The following GRIN2A variants were observed in gnomAD, a reference collection of about 807,000 sequenced individuals.
The protein encoded by GRIN2A is glutamate receptor ionotropic, NMDA 2A.
GRIN2A carries 22 observed loss-of-function variants against 113.4 expected under a neutral mutation model. The ratio of observed to expected loss-of-function variants is 0.19; its 90% CI spans 0.14 to 0.28. GRIN2A has a LOEUF of 0.28. Ranked by LOEUF, GRIN2A falls within the 10% of genes least tolerant of loss-of-function variation. The pLI, the probability that GRIN2A is intolerant of heterozygous loss-of-function variation, is 1.00. For missense variants in GRIN2A, 1,502 were observed against 1,887.0 expected (o/e 0.80, Z 3.78); for synonymous variants, 827 against 738.4 (o/e 1.12, Z -1.94).
At chr16:9,842,333 A>G (rs2042695643) in intron 5 of GRIN2A, among the ~76,000 whole-genome samples, 1 of 152,222 alleles carries the variant, frequency 6.6e-6, no homozygotes, top group African/African-American at 2.4e-5. Context: ...GACAATTCAC[A>G]TAAGATCAAA....
intron 2 of GRIN2A, among the ~76,000 whole-genome samples, chr16:10,148,606 C>A (rs923388819): frequency 6.6e-6 from 1 of 152,190 alleles, no homozygotes; most frequent in Admixed American, 6.5e-5. Context: ...TCTCCCTCTT[C>A]TCTGCGTCTT....
rs552476558 is a variant in GRIN2A at position 10,020,355 on chromosome 16, A to G, written c.415-81804T>C. Among the ~76,000 whole-genome samples the G allele has an allele frequency of 3.3e-5, 5 of 152,292 alleles. No individual in the cohort carries two copies. In the South Asian group the frequency reaches 1.0e-3, roughly 32 times the overall value. On this transcript the variant is annotated intron_variant, in intron 2 of 12. Coordinates refer to ENST00000330684, the MANE Select transcript of GRIN2A (RefSeq NM_001134407.3). ...TTGGGCTCAGTTTCTTCATCTGGAG[A>G]ATGGGAATTCTCATACCTAACCTAC...
At chr16:10,040,152 C>T (rs1440730517) in intron 2 of GRIN2A, among the ~76,000 whole-genome samples, 1 of 75,890 alleles carries the variant, frequency 1.3e-5, no homozygotes, top group East Asian at 4.5e-4. Context: ...CATACACACT[C>T]GCAACTTCAC....
At chr16:9,897,211 TTA>T (rs889288006) in intron 3 of GRIN2A, among the ~76,000 whole-genome samples, 111 of 150,236 alleles carry the variant, frequency 7.4e-4, no homozygotes, top group African/African-American at 2.4e-3. Flanking sequence ...TTTACATATT[TTA>T]TATATATAAA....
chr16:9,970,999 G>A (rs1191651515), intron 2 of GRIN2A: 5 of 152,254 alleles, frequency 3.3e-5, no homozygotes, highest in Non-Finnish European at 2.9e-5. Flanking sequence ...CATTTGAGAG[G>A]CAAGACTGGG....
At chr16:9,937,911 A>C in intron 3 of GRIN2A, 48 bp downstream of exon 3, 1 of 1,332,158 alleles carries the variant, frequency 7.5e-7, no homozygotes, top group African/African-American at 1.4e-5. Flanking sequence ...AACAATGACA[A>C]CAGCAAAACT....
chr16:9,789,551 CAT>C (rs942575593), intron 11 of GRIN2A, among the ~76,000 whole-genome samples: 14 of 86,002 alleles, frequency 1.6e-4, no homozygotes, highest in Admixed American at 4.1e-4. Flanking sequence ...ATGAAACATA[CAT>C]ACACACACAC....
chr16:9,929,034 G>C (rs1428870842), intron 3 of GRIN2A, among the ~76,000 whole-genome samples: 1 of 152,236 alleles, frequency 6.6e-6, no homozygotes. Flanking sequence ...CATGTGGGAA[G>C]AGCACCTGGA....
At chr16:10,101,341 T>A (rs543589142) in intron 2 of GRIN2A, among the ~76,000 whole-genome samples, 9 of 152,208 alleles carry the variant, frequency 5.9e-5, no homozygotes, top group Non-Finnish European at 1.2e-4. Context: ...CTGGCTCACC[T>A]TGGAGAGAAC....
chr16:10,090,461 T>C (rs1273077951), intron 2 of GRIN2A, among the ~76,000 whole-genome samples: 1 of 152,290 alleles, frequency 6.6e-6, no homozygotes, highest in East Asian at 1.9e-4. Context: ...CACATGATGC[T>C]GGGAAAATTT....
In GRIN2A at chr16:10,180,743, T is replaced by C. The variant is rs1221367849; in HGVS notation, c.-18-314A>G. 2.1e-6 allele frequency: 1 copy of C among 483,654 alleles called. No homozygotes were observed. The highest frequency in any genetic ancestry group is 3.8e-6 in the Non-Finnish European group (1 of 263,386). 30.0% of individuals were successfully genotyped at this position (483,654 alleles called of 1,614,324 possible). On this transcript the variant is annotated intron_variant, in intron 1 of 12. Coordinates refer to ENST00000330684, the MANE Select transcript of GRIN2A (RefSeq NM_001134407.3). The surrounding 1 kb of genome is among the most constrained non-coding windows in gnomAD (Gnocchi z 7.0). Reference sequence around the variant, plus strand: ...CATATCCCCCACCGCATTCCCCAAGTTCGCCGCGGGCCACAGACCCTAAGC... The same window carrying C: ...CATATCCCCCACCGCATTCCCCAAGCTCGCCGCGGGCCACAGACCCTAAGC...
chr16:9,945,944 C>G (rs1187775087), intron 2 of GRIN2A, among the ~76,000 whole-genome samples: 2 of 152,128 alleles, frequency 1.3e-5, no homozygotes, highest in Non-Finnish European at 1.5e-5. Context: ...GTTTACCACC[C>G]AGAGCCAAGT....
At chr16:9,845,221 C>T (rs969225230) in intron 5 of GRIN2A, among the ~76,000 whole-genome samples, 1 of 152,108 alleles carries the variant, frequency 6.6e-6, no homozygotes, top group African/African-American at 2.4e-5. Flanking sequence ...GAATTTGAAC[C>T]TGTTAAGCTG....
intron 2 of GRIN2A, among the ~76,000 whole-genome samples, chr16:10,131,471 A>AT (rs34673023): frequency 0.27 from 39,307 of 144,150 alleles, 5,362 homozygotes; most frequent in East Asian, 0.4. Context: ...CACTTATCCC[A>AT]TTTTTTTTTT....
At chr16:10,048,732 A>AC (rs1198928927) in intron 2 of GRIN2A, among the ~76,000 whole-genome samples, 19 of 146,424 alleles carry the variant, frequency 1.3e-4, no homozygotes, top group South Asian at 4.6e-4. Context: ...AGACAGTAAT[A>AC]CCCCACACTT....
At chr16:10,036,731 C>A (rs1450717212) in intron 2 of GRIN2A, among the ~76,000 whole-genome samples, 1 of 151,954 alleles carries the variant, frequency 6.6e-6, no homozygotes, top group Non-Finnish European at 1.5e-5. Context: ...CAGGCGTGAG[C>A]CACCGTGCCT....
chr16:10,051,200 G>T (rs1235083727), intron 2 of GRIN2A, among the ~76,000 whole-genome samples: 1 of 152,278 alleles, frequency 6.6e-6, no homozygotes, highest in African/African-American at 2.4e-5. Context: ...GTGCTATAAG[G>T]TCATGACTAT....
intron 9 of GRIN2A, among the ~76,000 whole-genome samples, chr16:9,825,169 G>C (rs568992340): frequency 7.9e-5 from 12 of 152,336 alleles, no homozygotes; most frequent in African/African-American, 2.9e-4. Flanking sequence ...ACTTACAGGA[G>C]ACAAGTTCAG....
At chr16:10,142,570 G>C (rs1214203217) in intron 2 of GRIN2A, among the ~76,000 whole-genome samples, 2 of 152,182 alleles carry the variant, frequency 1.3e-5, no homozygotes, top group South Asian at 4.1e-4. Flanking sequence ...GTGTGCGGTG[G>C]TGAGTATAGT....
Sources: allele counts gnomAD v4.1 joint callset (sites outside exome capture counted in the v4.1 genomes callset), GRCh38; gene constraint gnomAD v4.1.1; non-coding constraint Gnocchi (gnomAD v3.1); transcripts MANE v1.5; gene names NCBI Gene and HGNC (gene_info 2026-07-23, HGNC 2026-07-21).